Variants in DAB1 observed in about 807,000 individuals in gnomAD.
The protein encoded by DAB1 is disabled homolog 1.
Under a neutral mutation model 64.6 loss-of-function variants are expected in DAB1, and 15 were observed. The observed-to-expected ratio is 0.23, with a 90% CI of 0.16 to 0.36. The LOEUF (loss-of-function observed/expected upper bound fraction) is 0.36. DAB1 is among the 10% of genes least tolerant of loss of function. The probability of loss-of-function intolerance (pLI) is 1.00; values close to 1 mark genes in which losing one functional copy is unlikely to be tolerated. For missense variants in DAB1, 596 were observed against 706.7 expected, an observed-to-expected ratio of 0.84 and a Z score of 1.78; for synonymous variants, 235 against 251.9, an observed-to-expected ratio of 0.93 and a Z score of 0.64.
intron 1 of DAB1, among the ~76,000 whole-genome samples, chr1:57,832,697 T>C (rs534753597): frequency 3.4e-4 from 51 of 152,222 alleles, no homozygotes; most frequent in African/African-American, 1.2e-3. Flanking sequence ...ATTCAATTTC[T>C]GGGGGGGCAA....
intron 2 of DAB1, among the ~76,000 whole-genome samples, chr1:58,519,825 G>T (rs1339199616): frequency 6.6e-6 from 1 of 152,108 alleles, no homozygotes; most frequent in Non-Finnish European, 1.5e-5. Flanking sequence ...CCAGAGAAGT[G>T]AAATTTATAA....
At chr1:57,376,568 C>T (rs1296847405) in intron 1 of DAB1, among the ~76,000 whole-genome samples, 1 of 152,172 alleles carries the variant, frequency 6.6e-6, no homozygotes, top group Non-Finnish European at 1.5e-5. Flanking sequence ...AAATAAATAC[C>T]TGTTGAGTGA....
chr1:58,518,339 A>AAGG (rs1646203972), intron 2 of DAB1, among the ~76,000 whole-genome samples: 2 of 97,856 alleles, frequency 2.0e-5, no homozygotes. Context: ...AGAAGAGAAG[A>AAGG]GAAGAGAAGA....
At chr1:58,071,041 A>G (rs1447596603) in intron 5 of DAB1, among the ~76,000 whole-genome samples, 1 of 152,048 alleles carries the variant, frequency 6.6e-6, no homozygotes, top group Non-Finnish European at 1.5e-5. Flanking sequence ...TGTGGAGGGA[A>G]TGGCTATGAG....
intron 7 of DAB1, among the ~76,000 whole-genome samples, chr1:57,532,522 T>C (rs1005408405): frequency 1.3e-5 from 2 of 152,250 alleles, no homozygotes; most frequent in Non-Finnish European, 2.9e-5. Flanking sequence ...TTGCTTGCCA[T>C]GTGACTGGTC....
chr1:57,262,928 G>A (rs1670291634), intron 2 of DAB1, among the ~76,000 whole-genome samples: 1 of 152,266 alleles, frequency 6.6e-6, no homozygotes, highest in Admixed American at 6.5e-5. Context: ...CAGCCAGGCA[G>A]GAAGTATTCC....
Position 57,227,519 on chromosome 1 carries a change from T to TG in DAB1, c.67+63444_67+63445insC, listed in dbSNP as rs1306580262. Among the ~76,000 whole-genome samples the TG allele has an allele frequency of 3.9e-4, 53 of 135,806 alleles. 1 individual carries two copies. The highest frequency in any genetic ancestry group is 1.2e-3 in the African/African-American group (45 of 37,000). 89.1% of individuals were successfully genotyped at this position (135,806 alleles called of 152,430 possible). The stretch of plus-strand genomic sequence containing the variant: ...AAGTGGAGGCAGGATTTTTTTTCTT[T>TG]TGTGTGTGTGTGTGTGTGTGTGTGT... On this transcript the variant is annotated intron_variant, in intron 2 of 14. Coordinates refer to ENST00000371236, the MANE Select transcript of DAB1 (RefSeq NM_001365792.1).
At chr1:58,538,905 T>C (rs758363543) in intron 1 of DAB1, 21 of 872,718 alleles carry the variant, frequency 2.4e-5, no homozygotes, top group Non-Finnish European at 3.8e-5. Context: ...TAATAGCTCT[T>C]ATGGAAGCAG....
At chr1:58,265,820 T>C (rs1207995275) in intron 4 of DAB1, among the ~76,000 whole-genome samples, 1 of 152,212 alleles carries the variant, frequency 6.6e-6, no homozygotes, top group Non-Finnish European at 1.5e-5. Flanking sequence ...GATCCTACTG[T>C]TGAAGGATAA....
intron 9 of DAB1, among the ~76,000 whole-genome samples, chr1:57,030,250 CT>C (rs1646926075): frequency 6.6e-6 from 1 of 152,228 alleles, no homozygotes; most frequent in African/African-American, 2.4e-5. Context: ...CCTTTGCCTT[CT>C]GCCTCTCCCC....
At chr1:57,738,399 C>G (rs1366184411) in intron 6 of DAB1, among the ~76,000 whole-genome samples, 1 of 152,170 alleles carries the variant, frequency 6.6e-6, no homozygotes, top group East Asian at 1.9e-4. Context: ...TGTGACAGCA[C>G]TTTGTAACAT....
chr1:57,583,488 C>T (rs1391853974), intron 7 of DAB1, among the ~76,000 whole-genome samples: 3 of 151,934 alleles, frequency 2.0e-5, no homozygotes, highest in Non-Finnish European at 2.9e-5. Context: ...GGTTTCACCA[C>T]GTTGGCCAAG....
At chr1:58,211,422 T>C (rs1658545226) in intron 4 of DAB1, among the ~76,000 whole-genome samples, 1 of 152,204 alleles carries the variant, frequency 6.6e-6, no homozygotes, top group Non-Finnish European at 1.5e-5. Context: ...AAAATAACTT[T>C]TTCTGATGAT....
At chr1:57,574,532 G>C (rs545189072) in intron 7 of DAB1, among the ~76,000 whole-genome samples, 1 of 152,174 alleles carries the variant, frequency 6.6e-6, no homozygotes, top group African/African-American at 2.4e-5. Flanking sequence ...AGATCACACA[G>C]GTTCAAACTG....
At chr1:57,941,349 G>A (rs576882215) in intron 5 of DAB1, among the ~76,000 whole-genome samples, 1 of 152,280 alleles carries the variant, frequency 6.6e-6, no homozygotes, top group African/African-American at 2.4e-5. Context: ...AGGTTCTAGA[G>A]TCTCACTTTT....
chr1:57,296,877 A>G (rs1344048168), intron 1 of DAB1, among the ~76,000 whole-genome samples: 1 of 152,180 alleles, frequency 6.6e-6, no homozygotes, highest in East Asian at 1.9e-4. Context: ...TAAGTCCGGG[A>G]AAAATTTTTG....
intron 5 of DAB1, among the ~76,000 whole-genome samples, chr1:57,990,780 G>T (rs1646325026): frequency 6.6e-6 from 1 of 152,186 alleles, no homozygotes; most frequent in Admixed American, 6.5e-5. Context: ...GAGGGTGGCA[G>T]ACTCTCTGTA....
chr1:58,357,247 G>A (rs1644120687), intron 3 of DAB1, among the ~76,000 whole-genome samples: 1 of 152,094 alleles, frequency 6.6e-6, no homozygotes, highest in South Asian at 2.1e-4. Flanking sequence ...CTCTAGCAGT[G>A]AGAACAGAGG....
chr1:57,381,738 T>A (rs1681394755), intron 1 of DAB1, among the ~76,000 whole-genome samples: 1 of 152,216 alleles, frequency 6.6e-6, no homozygotes, highest in Non-Finnish European at 1.5e-5. Context: ...GTCTGTACAA[T>A]CAATTCTCTA....
Sources: gnomAD v4.1 joint callset for allele counts (sites outside exome capture counted in the v4.1 genomes callset) on GRCh38, gnomAD v4.1.1 for gene constraint, MANE v1.5 for transcripts, NCBI Gene and HGNC (gene_info 2026-07-23, HGNC 2026-07-21) for gene names.